Variants in TMEM98 observed in about 807,000 individuals in gnomAD.
TMEM98 encodes transmembrane protein 98.
TMEM98 carries 18 observed loss-of-function variants against 25.0 expected under a neutral mutation model. The ratio of observed to expected loss-of-function variants is 0.72; its 90% CI spans 0.50 to 1.07. The LOEUF is 1.07. Ranked by LOEUF, TMEM98 falls within the 50% of genes least tolerant of loss-of-function variation. TMEM98 has a pLI of 0.00. For missense variants in TMEM98, 241 were observed against 289.0 expected (o/e 0.83, Z 1.20); for synonymous variants, 103 against 112.4 (o/e 0.92, Z 0.53).
At position 32,933,138 on chromosome 17, in the gene TMEM98, A is replaced by T. The variant is rs766314032; in HGVS notation, c.132-36A>T. The stretch of plus-strand genomic sequence containing the variant: ...AGGAGAGGATCAGCAGCGGTCACCC[A>T]CCATGAAACCATTTAACGGGGGCCT... On this transcript the variant is annotated intron_variant, in intron 3 of 7. Coordinates refer to ENST00000579849, the MANE Select transcript of TMEM98 (RefSeq NM_015544.3). The T allele has an allele frequency of 6.2e-6, 10 of 1,612,030 alleles. No individual in the cohort carries two copies. The South Asian group carries it at 1.1e-4, about 18-fold the overall frequency.
At position 32,933,228 on chromosome 17, in the gene TMEM98, A is replaced by T; in HGVS notation, c.186A>T (p.Leu62Phe). The T allele has an allele frequency of 6.2e-7, 1 of 1,614,194 alleles. No homozygotes were observed. The highest frequency in any genetic ancestry group is 2.2e-5 in the East Asian group (1 of 44,880). ...AMETQSEPSELELDDVVITNP... is the reference protein window; with the variant it reads ...AMETQSEPSEFELDDVVITNP... Reference sequence around the variant, plus strand: ...AGACCCAGTCTGAGCCCTCTGAGTTAGAACTGGACGATGTCGTTATCACCA... The same window carrying T: ...AGACCCAGTCTGAGCCCTCTGAGTTTGAACTGGACGATGTCGTTATCACCA... The change falls in exon 4 of 8, where the codon TTA becomes TTT. Residue 62 changes from leucine to phenylalanine, a missense_variant. Coordinates refer to ENST00000579849, the MANE Select transcript of TMEM98 (RefSeq NM_015544.3).
At chr17:32,938,327 C>A (rs2091508807) in intron 6 of TMEM98, among the ~76,000 whole-genome samples, 1 of 152,166 alleles carries the variant, frequency 6.6e-6, no homozygotes, top group Non-Finnish European at 1.5e-5. Context: ...AGCTCCAGGG[C>A]ACTAGAGAAA....
intron 7 of TMEM98, 149 bp downstream of exon 7, chr17:32,939,685 C>A: frequency 2.3e-6 from 2 of 865,552 alleles, no homozygotes; most frequent in Non-Finnish European, 3.7e-6. Context: ...CCATTTACTT[C>A]AGTGAGCGGC....
rs1321560190 is a variant in TMEM98 at position 32,944,107 on chromosome 17, A to G, written c.*3114A>G. 2 of 152,222 alleles carry G rather than the reference A, an allele frequency of 1.3e-5. No individual in the cohort carries two copies. Among genetic ancestry groups the G allele is most frequent in the Admixed American group, 6.5e-5 (1 of 15,270 alleles). The allele number at this position is 152,222 out of a possible 1,614,324, so 9.4% of individuals were successfully genotyped here. ...AGGGAACACGTATTCCTGGCATCCA[A>G]CTTCCCCTGGTGCTCCCCCTGACCT... is the stretch of plus-strand genomic sequence containing the variant. On this transcript the variant is annotated 3_prime_UTR_variant, in exon 8 of 8. Transcript: ENST00000579849.
chr17:32,942,362 G>A lies in TMEM98; in HGVS notation c.*1369G>A, dbSNP rs1040493297. 1 of 152,202 alleles carries A rather than the reference G, an allele frequency of 6.6e-6. No homozygotes were observed. The highest frequency in any genetic ancestry group is 1.5e-5 in the Non-Finnish European group (1 of 68,052). 9.4% of individuals were successfully genotyped at this position (152,202 alleles called of 1,614,324 possible). On this transcript the variant is annotated 3_prime_UTR_variant, in exon 8 of 8. Coordinates refer to ENST00000579849, the MANE Select transcript of TMEM98 (RefSeq NM_015544.3). ...TCTTGGGAGAGGGGCCTGGTATAGG[G>A]GCTGCCCAGGTTCGTAGCCTATGCT...
intron 6 of TMEM98, among the ~76,000 whole-genome samples, chr17:32,937,956 G>A (rs1245131056): frequency 6.6e-6 from 1 of 152,098 alleles, no homozygotes; most frequent in Non-Finnish European, 1.5e-5. Flanking sequence ...CATGCTTTTT[G>A]TGCCTTCTAA....
Position 32,931,406 on chromosome 17 carries a change from A to G in TMEM98, c.-55+4A>G. The G allele has an allele frequency of 1.4e-6, 2 of 1,394,596 alleles. No homozygotes were observed. The highest frequency in any genetic ancestry group is 2.4e-5 in the Admixed American group (1 of 41,880). 86.4% of individuals were successfully genotyped at this position (1,394,596 alleles called of 1,614,324 possible). On this transcript the variant is annotated splice_donor_region_variant and intron_variant, in intron 2 of 7. Transcript: ENST00000579849. ...CCCAATTTGCCACTTCCAGCAGGTA[A>G]GACCCACCTGTCCCACTCTCTTTCG...
At chr17:32,940,281 A>C (rs934690816) in intron 7 of TMEM98, among the ~76,000 whole-genome samples, 2 of 151,328 alleles carry the variant, frequency 1.3e-5, no homozygotes, top group African/African-American at 4.9e-5. Context: ...TCTACTCCTC[A>C]CTTTGGTTTT....
chr17:32,936,340 C>T lies in TMEM98; in HGVS notation c.306C>T (p.His102=). ...CCTCCCTGCCGCATTAGATTTGTCA[C>T]ACTCTGACAGAGAAGCTTGTTGCCA... is the stretch of plus-strand genomic sequence containing the variant. ...SHCIAILKIC[H]TLTEKLVAMT... The change falls in exon 6 of 8, where the codon CAC becomes CAT. Residue 102 remains histidine, a synonymous_variant. Coordinates refer to ENST00000579849, the MANE Select transcript of TMEM98 (RefSeq NM_015544.3). The T allele has an allele frequency of 6.2e-7, 1 of 1,614,012 alleles. No homozygotes were observed. The highest frequency in any genetic ancestry group is 8.5e-7 in the Non-Finnish European group (1 of 1,179,904).
chr17:32,930,893 T>C (rs1232008887), intron 1 of TMEM98: 2 of 152,176 alleles, frequency 1.3e-5, no homozygotes, highest in Non-Finnish European at 2.9e-5. Flanking sequence ...TGTTTCCTTT[T>C]GTCTAGGGTT....
rs745322328 is a variant in TMEM98, at chr17:32,936,453, C to CA, written c.413+8dup. On this transcript the variant is annotated splice_region_variant and intron_variant, in intron 6 of 7. Coordinates refer to ENST00000579849, the MANE Select transcript of TMEM98 (RefSeq NM_015544.3). ...GCCAAGCGGATCAGCCCCAGGTGAG[C>CA]AATTGGCGGCTTCGAGGTCCCCACA... 2 of 1,612,938 alleles carry CA rather than the reference C, an allele frequency of 1.2e-6. No homozygotes were observed. Among genetic ancestry groups the CA allele is most frequent in the South Asian group, 2.2e-5 (2 of 91,000 alleles).
At chr17:32,933,619 C>A (rs1254879985) in intron 4 of TMEM98, among the ~76,000 whole-genome samples, 1 of 152,194 alleles carries the variant, frequency 6.6e-6, no homozygotes, top group Non-Finnish European at 1.5e-5. Flanking sequence ...AGATGCAGCC[C>A]TTTTCTTTAG....
intron 5 of TMEM98, among the ~76,000 whole-genome samples, chr17:32,934,563 G>A (rs956005197): frequency 6.6e-6 from 1 of 152,116 alleles, no homozygotes; most frequent in Non-Finnish European, 1.5e-5. Flanking sequence ...ATGACCTGTG[G>A]GAAAGACAGC....
At chr17:32,937,671 A>G (rs1232835695) in intron 6 of TMEM98, among the ~76,000 whole-genome samples, 1 of 151,294 alleles carries the variant, frequency 6.6e-6, no homozygotes, top group Admixed American at 6.6e-5. Flanking sequence ...GCTCACTACA[A>G]CCCCCACCTA....
chr17:32,943,439 A>AC lies in TMEM98; in HGVS notation c.*2447dup, dbSNP rs2091540807. ...CCAGGTGTGGTTTCCCAGGCAACAG[A>AC]CACATTCCTAAGTGCCTAGTTCTCT... is the stretch of plus-strand genomic sequence containing the variant. On this transcript the variant is annotated 3_prime_UTR_variant, in exon 8 of 8. Coordinates refer to ENST00000579849, the MANE Select transcript of TMEM98 (RefSeq NM_015544.3). The AC allele has an allele frequency of 6.6e-6, 1 of 152,128 alleles. No individual in the cohort carries two copies. Among genetic ancestry groups the AC allele is most frequent in the Admixed American group, 6.5e-5 (1 of 15,272 alleles). The allele number at this position is 152,128 out of a possible 1,614,324, so 9.4% of individuals were successfully genotyped here.
Position 32,941,083 on chromosome 17 carries a change from T to A in TMEM98, c.*90T>A. On this transcript the variant is annotated 3_prime_UTR_variant, in exon 8 of 8. Coordinates refer to ENST00000579849, the MANE Select transcript of TMEM98 (RefSeq NM_015544.3). ...CTTCTACTTTTTCCTATAGAGTTAG[T>A]TGTTCTCCACGGCTGGAGAGTTCAG... 1 of 1,155,612 alleles carries A rather than the reference T, an allele frequency of 8.7e-7. No homozygotes were observed. The highest frequency in any genetic ancestry group is 1.2e-6 in the Non-Finnish European group (1 of 828,098). 71.6% of individuals were successfully genotyped at this position (1,155,612 alleles called of 1,614,324 possible).
At chr17:32,934,445 T>C (rs29015) in intron 5 of TMEM98, 121 bp downstream of exon 5, 97,984 of 1,106,202 alleles carry the variant, frequency 0.089, 4,837 homozygotes, top group Admixed American at 0.095. Context: ...TTTCCTTAAC[T>C]TGACACTTGG....
intron 1 of TMEM98, among the ~76,000 whole-genome samples, chr17:32,929,008 A>G (rs1434794482): frequency 6.6e-6 from 1 of 151,964 alleles, no homozygotes; most frequent in Non-Finnish European, 1.5e-5. Flanking sequence ...GCTCAGAAGC[A>G]CACTCAGCTC....
rs2091544402 is a variant in TMEM98, at chr17:32,944,096, C to T, written c.*3103C>T. 6.6e-6 allele frequency: 1 copy of T among 152,324 alleles called. No individual in the cohort carries two copies. The highest frequency in any genetic ancestry group is 1.5e-5 in the Non-Finnish European group (1 of 68,114). 9.4% of individuals were successfully genotyped at this position (152,324 alleles called of 1,614,324 possible). ...AGATCTCCAAGAGGGAACACGTATT[C>T]CTGGCATCCAACTTCCCCTGGTGCT... On this transcript the variant is annotated 3_prime_UTR_variant, in exon 8 of 8. Transcript: ENST00000579849.
Sources: allele counts gnomAD v4.1 joint callset (sites outside exome capture counted in the v4.1 genomes callset), GRCh38; gene constraint gnomAD v4.1.1; transcripts MANE v1.5; gene names NCBI Gene and HGNC (gene_info 2026-07-23, HGNC 2026-07-21).